Variants in EGFLAM observed in about 807,000 individuals in gnomAD.
EGFLAM encodes the protein pikachurin.
Under a neutral mutation model 113.1 loss-of-function variants are expected in EGFLAM, and 79 were observed. The ratio of observed to expected loss-of-function variants is 0.70; its 90% CI spans 0.58 to 0.84. The LOEUF (loss-of-function observed/expected upper bound fraction) is 0.84. Ranked by LOEUF, EGFLAM falls within the 40% of genes least tolerant of loss-of-function variation. The pLI is 0.00. For synonymous variants in EGFLAM, 504 were observed against 487.6 expected, an observed-to-expected ratio of 1.03 and a Z score of -0.44; for missense variants, 1,265 against 1,291.6, an observed-to-expected ratio of 0.98 and a Z score of 0.32.
chr5:38,388,083 T>C (rs775132249), intron 6 of EGFLAM, among the ~76,000 whole-genome samples: 1 of 152,248 alleles, frequency 6.6e-6, no homozygotes, highest in Non-Finnish European at 1.5e-5. Context: ...TCAAGAGATT[T>C]GAATATATTT....
At chr5:38,321,879 AACC>A (rs1327811114) in intron 1 of EGFLAM, among the ~76,000 whole-genome samples, 2 of 152,326 alleles carry the variant, frequency 1.3e-5, no homozygotes, top group East Asian at 3.9e-4. Flanking sequence ...TTGTCTTAAA[AACC>A]TACAAGTCGT....
intron 1 of EGFLAM, among the ~76,000 whole-genome samples, chr5:38,286,668 T>G (rs1758170525): frequency 6.6e-6 from 1 of 152,184 alleles, no homozygotes; most frequent in African/African-American, 2.4e-5. Flanking sequence ...ACTTTGAAAC[T>G]CCAGTAAATT....
intron 18 of EGFLAM, among the ~76,000 whole-genome samples, 165 bp from the exon 19 acceptor site, chr5:38,451,150 C>T (rs1235468467): frequency 6.6e-6 from 1 of 152,162 alleles, no homozygotes; most frequent in Admixed American, 6.5e-5. Flanking sequence ...AGTGAGCAGT[C>T]CAGACCTTTA....
intron 5 of EGFLAM, among the ~76,000 whole-genome samples, chr5:38,358,028 A>G: frequency 6.8e-6 from 1 of 147,802 alleles, no homozygotes; most frequent in Non-Finnish European, 1.5e-5. Flanking sequence ...CACATTTGAA[A>G]TCCCAGCTAC....
At chr5:38,296,076 G>A (rs1028654629) in intron 1 of EGFLAM, among the ~76,000 whole-genome samples, 11 of 152,054 alleles carry the variant, frequency 7.2e-5, no homozygotes, top group South Asian at 2.1e-4. Context: ...GAAATGTTGC[G>A]GATGCTCAAC....
intron 1 of EGFLAM, among the ~76,000 whole-genome samples, chr5:38,304,169 A>G (rs760708530): frequency 6.6e-6 from 1 of 151,998 alleles, no homozygotes; most frequent in East Asian, 1.9e-4. Flanking sequence ...ATCTAAAGCT[A>G]GCATTAAGGA....
chr5:38,408,973 G>A (rs1338199807), intron 9 of EGFLAM, 31 bp from the exon 10 acceptor site: 2 of 1,547,330 alleles, frequency 1.3e-6, no homozygotes, highest in Non-Finnish European at 1.8e-6. Context: ...GGTGCTTACT[G>A]TTCATGTGGC....
chr5:38,438,360 G>C lies in EGFLAM; in HGVS notation c.2369G>C (p.Arg790Thr), dbSNP rs768825075. The C allele has an allele frequency of 5.0e-6, 8 of 1,614,158 alleles. No homozygotes were observed. The South Asian group carries it at 5.5e-5, about 11-fold the overall frequency. ...GAGAATGCGGCCCACCCCTGTGTGA[G>C]AGCCCCTTGTGCCCATGGGGGCAGC... ...NVENAAHPCV[R>T]APCAHGGSCR... Residue 790 changes from arginine to threonine, a missense_variant, in exon 17 of 22, where the codon AGA becomes ACA. By Grantham distance (71) the Arg-to-Thr change is moderately conservative. Coordinates refer to ENST00000322350, the MANE Select transcript of EGFLAM (RefSeq NM_152403.4).
intron 6 of EGFLAM, chr5:38,401,271 C>A (rs1176688147): frequency 1.3e-5 from 2 of 152,154 alleles, no homozygotes; most frequent in Non-Finnish European, 2.9e-5. Context: ...TACACTCTAA[C>A]CCTTGGCTTC....
At chr5:38,348,648 A>T (rs1739537444) in intron 3 of EGFLAM, among the ~76,000 whole-genome samples, 1 of 150,928 alleles carries the variant, frequency 6.6e-6, no homozygotes, top group African/African-American at 2.5e-5. Context: ...AGGAGTAAAT[A>T]GGAGGTGAGG....
chr5:38,305,494 G>T (rs1185803013), intron 1 of EGFLAM: 2 of 454,358 alleles, frequency 4.4e-6, no homozygotes, highest in South Asian at 1.6e-5. Context: ...GACCAAAGCT[G>T]CAGGAAACAG....
intron 14 of EGFLAM, among the ~76,000 whole-genome samples, chr5:38,427,925 T>C (rs2112195296): frequency 6.6e-6 from 1 of 152,354 alleles, no homozygotes; most frequent in South Asian, 2.1e-4. Context: ...ATCTAGTTTG[T>C]ACTATTAAAT....
intron 5 of EGFLAM, 53 bp downstream of exon 5, chr5:38,352,384 C>G: frequency 1.9e-6 from 3 of 1,601,372 alleles, no homozygotes; most frequent in Non-Finnish European, 2.6e-6. Context: ...CGCGGTGGCT[C>G]ACACCTGTAA....
At chr5:38,270,947 A>G (rs917814210) in intron 1 of EGFLAM, among the ~76,000 whole-genome samples, 4 of 152,218 alleles carry the variant, frequency 2.6e-5, no homozygotes, top group Non-Finnish European at 5.9e-5. Context: ...TAAATGTATA[A>G]TTGAGCTTAG....
chr5:38,333,928 T>G (rs1474089623), intron 1 of EGFLAM, among the ~76,000 whole-genome samples: 10 of 141,342 alleles, frequency 7.1e-5, no homozygotes, highest in South Asian at 6.9e-4. Flanking sequence ...TTTTTTTTTT[T>G]TTTTTTTTTT....
At chr5:38,275,352 G>A (rs1757861187) in intron 1 of EGFLAM, among the ~76,000 whole-genome samples, 1 of 152,166 alleles carries the variant, frequency 6.6e-6, no homozygotes, top group Admixed American at 6.5e-5. Context: ...ACACATATAG[G>A]CTGAAAGTGA....
rs900281985 is a variant in EGFLAM at position 38,346,899 on chromosome 5, G to C, written c.292-3602G>C. Among the ~76,000 whole-genome samples the C allele has an allele frequency of 2.1e-5, 3 of 142,554 alleles. No individual in the cohort carries two copies. The East Asian group carries it at 7.2e-4, about 34-fold the overall frequency. 93.5% of individuals were successfully genotyped at this position (142,554 alleles called of 152,430 possible). On this transcript the variant is annotated intron_variant, in intron 3 of 21. Transcript: ENST00000322350. ...TGTGAGGAAGTAGAGCTGGAGAGGGGATCTGAAGGCAGGTCCACATGTGCA... is the reference window on the plus strand; with the variant it reads ...TGTGAGGAAGTAGAGCTGGAGAGGGCATCTGAAGGCAGGTCCACATGTGCA...
At chr5:38,438,476 C>A in intron 17 of EGFLAM, 21 bp downstream of exon 17, 1 of 1,573,136 alleles carries the variant, frequency 6.4e-7, no homozygotes, top group Non-Finnish European at 8.6e-7. Context: ...GGGTCTGAGG[C>A]ACAGCTCCCT....
intron 11 of EGFLAM, 44 bp downstream of exon 11, chr5:38,412,692 C>A (rs1200450101): frequency 6.3e-7 from 1 of 1,599,096 alleles, no homozygotes; most frequent in African/African-American, 1.3e-5. Context: ...ATACCACCCA[C>A]CATAAGTCTC....
Sources: allele counts gnomAD v4.1 joint callset (sites outside exome capture counted in the v4.1 genomes callset), GRCh38; gene constraint gnomAD v4.1.1; transcripts MANE v1.5; gene names NCBI Gene and HGNC (gene_info 2026-07-23, HGNC 2026-07-21).